Variants in SNAP91 observed in about 807,000 individuals in gnomAD.
The protein encoded by SNAP91 is clathrin coat assembly protein AP180.
A neutral mutation model predicts 100.3 loss-of-function variants in SNAP91; 27 were observed. The ratio of observed to expected loss-of-function variants is 0.27; its 90% CI spans 0.20 to 0.37. The LOEUF (loss-of-function observed/expected upper bound fraction) is 0.37, where lower values mean the gene tolerates loss of function less well. Among genes scored for constraint, SNAP91 ranks in the 10% least tolerant of loss-of-function variants. SNAP91 has a pLI of 1.00. For missense variants in SNAP91, 986 were observed against 1,123.7 expected (o/e 0.88, Z 1.75); for synonymous variants, 404 against 398.6 (o/e 1.01, Z -0.16).
Position 83,592,550 on chromosome 6 carries a change from C to A in SNAP91, c.1847-12G>T. 1 of 1,597,702 alleles carries A rather than the reference C, an allele frequency of 6.3e-7. No homozygotes were observed. On this transcript the variant is annotated splice_polypyrimidine_tract_variant and intron_variant, in intron 20 of 29. Coordinates refer to ENST00000369694, the MANE Select transcript of SNAP91 (RefSeq NM_001242792.2). ...TGCAAATGCATCCACTGCAGTGAAG[C>A]ACAGACAGGAAAAAGTGCATGTCAC...
intron 2 of SNAP91, among the ~76,000 whole-genome samples, chr6:83,674,388 A>G (rs1028690900): frequency 9.9e-5 from 15 of 152,112 alleles, no homozygotes; most frequent in African/African-American, 3.6e-4. Flanking sequence ...GAGTGGAGAT[A>G]GTGCCACTGC....
intron 12 of SNAP91, among the ~76,000 whole-genome samples, chr6:83,609,181 A>C (rs892454389): frequency 6.6e-6 from 1 of 152,202 alleles, no homozygotes; most frequent in Non-Finnish European, 1.5e-5. Flanking sequence ...AGGAGATGTA[A>C]GAGCTAGGAA....
chr6:83,688,746 A>G (rs2099095045), intron 2 of SNAP91, among the ~76,000 whole-genome samples: 1 of 152,010 alleles, frequency 6.6e-6, no homozygotes. Context: ...CTTGTGATCC[A>G]CCCACTTCAG....
chr6:83,585,228 G>A (rs2092247147), intron 22 of SNAP91, among the ~76,000 whole-genome samples: 1 of 152,154 alleles, frequency 6.6e-6, no homozygotes. Context: ...AAGACGTTTA[G>A]CTGGGTATGG....
chr6:83,663,751 A>C (rs2098611457), intron 3 of SNAP91, among the ~76,000 whole-genome samples: 2 of 152,174 alleles, frequency 1.3e-5, no homozygotes, highest in African/African-American at 4.8e-5. Flanking sequence ...TAGCTGAGAT[A>C]ATTCATGAAG....
chr6:83,707,770 T>A, intron 2 of SNAP91, 28 bp downstream of exon 2: 1 of 1,611,376 alleles, frequency 6.2e-7, no homozygotes, highest in South Asian at 1.1e-5. Flanking sequence ...GCCGTGCGCA[T>A]GTCCCTCTTA....
chr6:83,577,739 A>T (rs568703278), intron 24 of SNAP91, among the ~76,000 whole-genome samples: 1 of 152,302 alleles, frequency 6.6e-6, no homozygotes, highest in East Asian at 1.9e-4. Context: ...TTTTCTTGAG[A>T]TATAATTCAC....
At chr6:83,686,073 A>C (rs1327775038) in intron 2 of SNAP91, 1 of 723,560 alleles carries the variant, frequency 1.4e-6, no homozygotes, top group Non-Finnish European at 1.7e-6. Context: ...CAGTAGATGC[A>C]CAGTAGACAC....
At chr6:83,637,271 G>C (rs555460486) in intron 8 of SNAP91, among the ~76,000 whole-genome samples, 4 of 152,308 alleles carry the variant, frequency 2.6e-5, no homozygotes, top group Non-Finnish European at 5.9e-5. Flanking sequence ...TTGGCAGGCT[G>C]TGCTACCCTC....
intron 26 of SNAP91, among the ~76,000 whole-genome samples, chr6:83,574,717 A>T (rs1427255572): frequency 6.6e-6 from 1 of 152,192 alleles, no homozygotes; most frequent in Non-Finnish European, 1.5e-5. Flanking sequence ...AATCATTATT[A>T]AATATAAAGT....
chr6:83,701,398 A>G (rs1447256724), intron 2 of SNAP91, among the ~76,000 whole-genome samples: 1 of 151,912 alleles, frequency 6.6e-6, no homozygotes, highest in East Asian at 1.9e-4. Context: ...GCAGGGAGAG[A>G]CCTAGCTTCT....
At chr6:83,704,097 C>CTA (rs1488959158) in intron 2 of SNAP91, among the ~76,000 whole-genome samples, 3 of 151,018 alleles carry the variant, frequency 2.0e-5, no homozygotes, top group African/African-American at 7.3e-5. Flanking sequence ...TTGACTTGGG[C>CTA]TATCCCTTAG....
intron 2 of SNAP91, among the ~76,000 whole-genome samples, chr6:83,676,934 T>C (rs1255732064): frequency 6.6e-6 from 1 of 152,170 alleles, no homozygotes; most frequent in African/African-American, 2.4e-5. Flanking sequence ...CCAAGAGGAA[T>C]AGCTGATAGA....
At chr6:83,648,632 T>C (rs1302170152) in intron 7 of SNAP91, among the ~76,000 whole-genome samples, 1 of 152,192 alleles carries the variant, frequency 6.6e-6, no homozygotes, top group African/African-American at 2.4e-5. Flanking sequence ...CTTGATACCA[T>C]CAGTAGTTTT....
At chr6:83,617,962 TTTAAA>T (rs1562366765) in intron 9 of SNAP91, among the ~76,000 whole-genome samples, 1 of 152,050 alleles carries the variant, frequency 6.6e-6, no homozygotes, top group East Asian at 1.9e-4. Context: ...ACAATTCTTC[TTTAAA>T]TTAATGTGAA....
chr6:83,660,823 G>A lies in SNAP91; in HGVS notation c.452+679C>T, dbSNP rs193087941. ...AGGGTCTTAGAGACAGGGTTGCCCA[G>A]GCTGGAGTGCAGGGGCATGAACATA... On this transcript the variant is annotated intron_variant, in intron 5 of 29. Transcript: ENST00000369694. 5.3e-5 allele frequency among the ~76,000 whole-genome samples: 8 copies of A among 151,320 alleles called. No individual in the cohort carries two copies. The East Asian group carries it at 1.5e-3, about 29-fold the overall frequency.
At chr6:83,659,883 A>T (rs900147091) in intron 5 of SNAP91, among the ~76,000 whole-genome samples, 2 of 152,160 alleles carry the variant, frequency 1.3e-5, no homozygotes, top group African/African-American at 4.8e-5. Context: ...TGATAAGAAC[A>T]CTTTTCCCAA....
chr6:83,662,166 T>C (rs1012533414), intron 4 of SNAP91, among the ~76,000 whole-genome samples, 181 bp downstream of exon 4: 2 of 152,092 alleles, frequency 1.3e-5, no homozygotes, highest in Non-Finnish European at 2.9e-5. Flanking sequence ...AAAATAAACT[T>C]AATATATATT....
intron 8 of SNAP91, among the ~76,000 whole-genome samples, chr6:83,633,541 G>A (rs561206279): frequency 1.8e-4 from 27 of 152,202 alleles, no homozygotes; most frequent in Non-Finnish European, 3.4e-4. Context: ...TTCCTTGGGC[G>A]GGTCTTGCTG....
Sources: gnomAD v4.1 joint callset for allele counts (sites outside exome capture counted in the v4.1 genomes callset) on GRCh38, gnomAD v4.1.1 for gene constraint, MANE v1.5 for transcripts, NCBI Gene and HGNC (gene_info 2026-07-23, HGNC 2026-07-21) for gene names.